DCAF17: variants seen among roughly 807,000 people sequenced by gnomAD.
DCAF17 encodes the protein DDB1- and CUL4-associated factor 17.
DCAF17 carries 48 observed loss-of-function variants against 66.0 expected under a neutral mutation model. That is an observed-to-expected ratio of 0.73 (90% CI 0.58 to 0.92). The LOEUF (loss-of-function observed/expected upper bound fraction) is 0.92. Ranked by LOEUF, DCAF17 falls within the 40% of genes least tolerant of loss-of-function variation. DCAF17 has a pLI of 0.00. For synonymous variants in DCAF17, 206 were observed against 214.6 expected, an observed-to-expected ratio of 0.96 and a Z score of 0.35; for missense variants, 562 against 622.8, an observed-to-expected ratio of 0.90 and a Z score of 1.04.
intron 2 of DCAF17, among the ~76,000 whole-genome samples, chr2:171,435,866 A>G (rs958380931): frequency 3.3e-5 from 5 of 152,194 alleles, no homozygotes; most frequent in African/African-American, 1.2e-4. Context: ...TTACCCATTT[A>G]AAGTGTACAG....
rs1696827064 is a variant in DCAF17, at chr2:171,483,468, C to A, written c.*2354C>A. On this transcript the variant is annotated 3_prime_UTR_variant, in exon 14 of 14. Coordinates refer to ENST00000375255, the MANE Select transcript of DCAF17 (RefSeq NM_025000.4). ...CTAAGTTTCTGCATTCTCAGAGCATCAATGCAGCAAGCTTATTGTTCCTCA... is the reference window on the plus strand; with the variant it reads ...CTAAGTTTCTGCATTCTCAGAGCATAAATGCAGCAAGCTTATTGTTCCTCA... 1 of 454,100 alleles carries A rather than the reference C, an allele frequency of 2.2e-6. No individual in the cohort carries two copies. The highest frequency in any genetic ancestry group is 2.0e-5 in the African/African-American group (1 of 50,138). The allele number at this position is 454,100 out of a possible 1,614,324, so 28.1% of individuals were successfully genotyped here. A position where few individuals can be genotyped will look rare whatever the true frequency, so the allele number is the denominator to read the frequency against.
At chr2:171,437,875 A>G (rs1042840078) in intron 2 of DCAF17, among the ~76,000 whole-genome samples, 1 of 151,956 alleles carries the variant, frequency 6.6e-6, no homozygotes, top group Admixed American at 6.6e-5. Context: ...CTACTTTCTG[A>G]GCTAATTTTT....
At chr2:171,465,164 C>T (rs1171391691) in intron 8 of DCAF17, among the ~76,000 whole-genome samples, 2 of 151,202 alleles carry the variant, frequency 1.3e-5, no homozygotes, top group Non-Finnish European at 2.9e-5. Flanking sequence ...CGCCACTGCA[C>T]TCCAGCCTGG....
intron 4 of DCAF17, among the ~76,000 whole-genome samples, chr2:171,449,283 C>T (rs1694815281): frequency 6.6e-6 from 1 of 152,226 alleles, no homozygotes; most frequent in South Asian, 2.1e-4. Flanking sequence ...TCTGGGATTA[C>T]AGGCGTGAGC....
intron 12 of DCAF17, among the ~76,000 whole-genome samples, chr2:171,478,997 A>G (rs909627154): frequency 6.6e-6 from 1 of 152,228 alleles, no homozygotes; most frequent in African/African-American, 2.4e-5. Flanking sequence ...AAAATATTTT[A>G]GCCTGTAAAG....
chr2:171,448,989 AG>A (rs1694798237), intron 4 of DCAF17, among the ~76,000 whole-genome samples, 172 bp downstream of exon 4: 1 of 151,992 alleles, frequency 6.6e-6, no homozygotes, highest in Non-Finnish European at 1.5e-5. Context: ...GTCTGAGTAT[AG>A]AGACCCTCTA....
intron 9 of DCAF17, among the ~76,000 whole-genome samples, chr2:171,473,152 A>G (rs1012673210): frequency 6.6e-6 from 1 of 152,192 alleles, no homozygotes; most frequent in Non-Finnish European, 1.5e-5. Context: ...GTTTGTTTAC[A>G]TGTTCATTTT....
chr2:171,474,063 C>A, intron 10 of DCAF17, 88 bp downstream of exon 10: 1 of 1,044,980 alleles, frequency 9.6e-7, no homozygotes, highest in Non-Finnish European at 1.5e-6. Context: ...AACTAGTGAG[C>A]CAATTAATGG....
chr2:171,449,965 T>C lies in DCAF17; in HGVS notation c.537+8T>C. 1 of 1,606,848 alleles carries C rather than the reference T, an allele frequency of 6.2e-7. No individual in the cohort carries two copies. Among genetic ancestry groups the C allele is most frequent in the South Asian group, 1.1e-5 (1 of 90,912 alleles). On this transcript the variant is annotated splice_region_variant and intron_variant, in intron 5 of 13. Coordinates refer to ENST00000375255, the MANE Select transcript of DCAF17 (RefSeq NM_025000.4). ...TCAGCAGTGGCCCGGCAGGTATACATATTTAAACATTCAATAAAATGAAGA... is the reference window on the plus strand; with the variant it reads ...TCAGCAGTGGCCCGGCAGGTATACACATTTAAACATTCAATAAAATGAAGA...
chr2:171,434,704 G>T lies in DCAF17; in HGVS notation c.126+1G>T. ...CATCCTGCGGGCGCTGGTGTGCCAG[G>T]TGACCGCCAGCCGGCCGGGGCGGGA... On this transcript the variant is annotated splice_donor_variant, in intron 1 of 13. Transcript: ENST00000375255. LOFTEE classifies it high-confidence loss of function. 6.8e-7 allele frequency: 1 copy of T among 1,471,684 alleles called. No individual in the cohort carries two copies. The highest frequency in any genetic ancestry group is 8.9e-7 in the Non-Finnish European group (1 of 1,121,362). 91.2% of individuals were successfully genotyped at this position (1,471,684 alleles called of 1,614,324 possible).
Position 171,480,966 on chromosome 2 carries a change from T to A in DCAF17, c.1423-8T>A. 1.2e-6 allele frequency: 2 copies of A among 1,613,614 alleles called. No individual in the cohort carries two copies. Among genetic ancestry groups the A allele is most frequent in the Non-Finnish European group, 1.7e-6 (2 of 1,179,544 alleles). On this transcript the variant is annotated splice_polypyrimidine_tract_variant and splice_region_variant and intron_variant, in intron 13 of 13. Transcript: ENST00000375255. ...AAAAGGACTCCATATGATTGTGTTT[T>A]GTTACAGACATATAGCCATGAAGTC... is the stretch of plus-strand genomic sequence containing the variant.
At chr2:171,451,191 C>A (rs1382775384) in intron 5 of DCAF17, among the ~76,000 whole-genome samples, 1 of 152,100 alleles carries the variant, frequency 6.6e-6, no homozygotes, top group African/African-American at 2.4e-5. Flanking sequence ...CTCTTGTCTA[C>A]TTTTTCTGTA....
chr2:171,448,610 T>G, intron 3 of DCAF17, 71 bp from the exon 4 acceptor site: 1 of 1,377,660 alleles, frequency 7.3e-7, no homozygotes, highest in Non-Finnish European at 9.8e-7. Flanking sequence ...GCTATTTTCT[T>G]TGGACATTGA....
Position 171,453,192 on chromosome 2 carries a change from G to A in DCAF17, c.606G>A (p.Gly202=). Reference sequence around the variant, plus strand: ...GAGTTCTACCTTTTTCACTTGTAGGGATTCTAGAGATCAACAAAAAGGTAA... The same window carrying A: ...GAGTTCTACCTTTTTCACTTGTAGGAATTCTAGAGATCAACAAAAAGGTAA... ...VFRVLPFSLV[G]ILEINKKIFG... Residue 202 remains glycine, a synonymous_variant, in exon 6 of 14, where the codon GGG becomes GGA. Transcript: ENST00000375255. 3 of 1,612,024 alleles carry A rather than the reference G, an allele frequency of 1.9e-6. No individual in the cohort carries two copies. Among genetic ancestry groups the A allele is most frequent in the African/African-American group, 2.7e-5 (2 of 74,958 alleles).
In DCAF17 at chr2:171,482,517, C is replaced by T. The variant is rs1273362045; in HGVS notation, c.*1403C>T. 1 of 453,872 alleles carries T rather than the reference C, an allele frequency of 2.2e-6. No individual in the cohort carries two copies. Among genetic ancestry groups the T allele is most frequent in the Non-Finnish European group, 4.4e-6 (1 of 226,756 alleles). The allele number at this position is 453,872 out of a possible 1,614,324, so 28.1% of individuals were successfully genotyped here. ...TAAACTTACATCTTGAAAAACAAGA[C>T]CAGTAAGAGGCCAGTGAAAGTACTA... On this transcript the variant is annotated 3_prime_UTR_variant, in exon 14 of 14. Coordinates refer to ENST00000375255, the MANE Select transcript of DCAF17 (RefSeq NM_025000.4).
intron 8 of DCAF17, among the ~76,000 whole-genome samples, chr2:171,467,748 A>ACC (rs1441929484): frequency 2.0e-5 from 3 of 150,690 alleles, no homozygotes; most frequent in Non-Finnish European, 4.4e-5. Flanking sequence ...AAAAAAAAAA[A>ACC]AAAAAAGTTG....
chr2:171,435,823 G>C (rs559813785), intron 2 of DCAF17, among the ~76,000 whole-genome samples: 1 of 152,038 alleles, frequency 6.6e-6, no homozygotes, highest in South Asian at 2.1e-4. Flanking sequence ...TTTTTTATAG[G>C]CTTTATTAGG....
intron 10 of DCAF17, among the ~76,000 whole-genome samples, chr2:171,474,725 A>G (rs1431682760): frequency 1.3e-5 from 2 of 152,234 alleles, no homozygotes; most frequent in Non-Finnish European, 2.9e-5. Context: ...ATCAATGTAC[A>G]TACATTTAAA....
intron 8 of DCAF17, among the ~76,000 whole-genome samples, chr2:171,464,387 A>G (rs532718904): frequency 6.6e-6 from 1 of 152,142 alleles, no homozygotes; most frequent in South Asian, 2.1e-4. Flanking sequence ...GGTTGTTCAC[A>G]ATCTTTGGTG....
Sources: gnomAD v4.1 joint callset for allele counts (sites outside exome capture counted in the v4.1 genomes callset) on GRCh38, gnomAD v4.1.1 for gene constraint, MANE v1.5 for transcripts, NCBI Gene and HGNC (gene_info 2026-07-23, HGNC 2026-07-21) for gene names.